Variants in PTK2 observed in about 807,000 individuals in gnomAD.
PTK2 encodes focal adhesion kinase 1.
Under a neutral mutation model 150.1 loss-of-function variants are expected in PTK2, and 45 were observed. The ratio of observed to expected loss-of-function variants is 0.30; its 90% CI spans 0.24 to 0.38. PTK2 has a LOEUF of 0.38. Ranked by LOEUF, PTK2 falls within the 10% of genes least tolerant of loss-of-function variation. The probability of loss-of-function intolerance (pLI) is 1.00; values close to 1 mark genes in which losing one functional copy is unlikely to be tolerated. For missense variants in PTK2, 919 were observed against 1,307.3 expected (o/e 0.70, Z 4.58); for synonymous variants, 432 against 449.2 (o/e 0.96, Z 0.48).
Position 140,937,616 on chromosome 8 carries a change from T to C in PTK2, c.-121-11867A>G, listed in dbSNP as rs148267596. The stretch of plus-strand genomic sequence containing the variant: ...AAAAAAAAACACAAAAAAACAAATC[T>C]GATTTAATCTAACAAAAATTGGAAA... On this transcript the variant is annotated intron_variant, in intron 1 of 31. Coordinates refer to ENST00000522684, the Ensembl canonical transcript of PTK2. Among the ~76,000 whole-genome samples the C allele has an allele frequency of 7.4e-3, 1,120 of 150,998 alleles. 11 individuals are homozygous for C. Among genetic ancestry groups the C allele is most frequent in the African/African-American group, 0.025 (1,034 of 41,290 alleles).
intron 10 of PTK2, among the ~76,000 whole-genome samples, chr8:140,810,709 C>T (rs1025970652): frequency 1.3e-5 from 2 of 152,348 alleles, no homozygotes; most frequent in Middle Eastern, 3.4e-3. Context: ...GCCTGACAGC[C>T]ACCTCAGTCG....
At chr8:140,756,488 A>G (rs988840565) in intron 16 of PTK2, among the ~76,000 whole-genome samples, 2 of 151,686 alleles carry the variant, frequency 1.3e-5, no homozygotes, top group African/African-American at 4.8e-5. Flanking sequence ...ACCTGAAGTC[A>G]GGGGTTCAAG....
intron 1 of PTK2, among the ~76,000 whole-genome samples, chr8:140,970,267 T>C (rs1642039190): frequency 6.6e-6 from 1 of 152,244 alleles, no homozygotes; most frequent in Non-Finnish European, 1.5e-5. Context: ...AAAAAGTGTC[T>C]AGAGCAGCTT....
chr8:140,684,616 C>A (rs578051469), intron 27 of PTK2, among the ~76,000 whole-genome samples: 94 of 152,292 alleles, frequency 6.2e-4, no homozygotes, highest in Non-Finnish European at 1.1e-3. Context: ...TTTACAACAG[C>A]CACACACACA....
At chr8:140,792,587 T>G (rs950698571) in intron 13 of PTK2, among the ~76,000 whole-genome samples, 2 of 152,230 alleles carry the variant, frequency 1.3e-5, no homozygotes, top group Admixed American at 6.5e-5. Context: ...GTAGCCCAGA[T>G]AGCTAAACAC....
At chr8:140,745,578 T>A (rs2100058243) in intron 18 of PTK2, among the ~76,000 whole-genome samples, 2 of 152,328 alleles carry the variant, frequency 1.3e-5, no homozygotes, top group South Asian at 4.1e-4. Flanking sequence ...GCCCAGTGTT[T>A]GATTCAGCAG....
At chr8:140,995,894 C>T (rs980314091) in intron 1 of PTK2, among the ~76,000 whole-genome samples, 1 of 152,108 alleles carries the variant, frequency 6.6e-6, no homozygotes, top group South Asian at 2.1e-4. Flanking sequence ...ATTAAAAGTG[C>T]TACTTCAGTG....
intron 2 of PTK2, among the ~76,000 whole-genome samples, chr8:140,908,352 T>C (rs1221420265): frequency 6.6e-6 from 1 of 152,164 alleles, no homozygotes; most frequent in Non-Finnish European, 1.5e-5. Context: ...CTCCACAGCA[T>C]AAAAGTACAA....
At chr8:140,691,344 T>C (rs1048365467) in intron 26 of PTK2, among the ~76,000 whole-genome samples, 3 of 152,232 alleles carry the variant, frequency 2.0e-5, no homozygotes, top group Admixed American at 2.0e-4. Context: ...GTTTCCAAAC[T>C]GCTCAAGGCT....
chr8:140,916,798 A>G lies in PTK2; in HGVS notation c.-33+8863T>C, dbSNP rs529924124. Among the ~76,000 whole-genome samples the G allele has an allele frequency of 3.9e-5, 6 of 152,342 alleles. No homozygotes were observed. In the East Asian group the frequency reaches 9.6e-4, roughly 24 times the overall value. On this transcript the variant is annotated intron_variant, in intron 2 of 31. Coordinates refer to ENST00000522684, the Ensembl canonical transcript of PTK2. ...TATTGATTAAGAATACAGGCACTGC[A>G]GTTAGATTCCCACTGTTCAGAATCT...
chr8:140,990,808 T>G (rs2100195446), intron 1 of PTK2, among the ~76,000 whole-genome samples: 1 of 152,202 alleles, frequency 6.6e-6, no homozygotes. Flanking sequence ...TCTAATTGCC[T>G]CCCTTCAGAT....
At chr8:140,702,640 G>C (rs2100031344) in exon 25 of PTK2, 3 of 1,613,962 alleles carry the variant, frequency 1.9e-6, no homozygotes, top group African/African-American at 1.3e-5. Context: ...GTCCAAAAGA[G>C]ATGCCTGACC....
At position 140,857,333 on chromosome 8, in the gene PTK2, C is replaced by G. The variant is rs73373565; in HGVS notation, c.450+6979G>C. 2.1e-3 allele frequency among the ~76,000 whole-genome samples: 317 copies of G among 152,320 alleles called. 3 individuals are homozygous for G. Among genetic ancestry groups the G allele is most frequent in the African/African-American group, 7.3e-3 (303 of 41,568 alleles). On this transcript the variant is annotated intron_variant, in intron 5 of 31. Transcript: ENST00000522684. ...CATCTCAAGCCATCCCTTACTGTCT[C>G]ATCTCTCACCCTGCCCTCCAGTCAC...
At position 140,693,564 on chromosome 8, in the gene PTK2, TAAAAAAAAAAAAAAAAAAAA is replaced by T. The variant is rs377205785; in HGVS notation, c.2500-6890_2500-6871del. 4.2e-3 allele frequency among the ~76,000 whole-genome samples: 306 copies of T among 72,458 alleles called. 4 individuals carry two copies. The highest frequency in any genetic ancestry group is 0.015 in the East Asian group (32 of 2,164). 47.5% of individuals were successfully genotyped at this position (72,458 alleles called of 152,430 possible). ...CCACAGAGTGAGACTTTGTCTCAATTAAAAAAAAAAAAAAAAAAAAAAAAAAAAAAAAAAAAAAGGAGCAC... is the reference window on the plus strand; with the variant it reads ...CCACAGAGTGAGACTTTGTCTCAATTAAAAAAAAAAAAAAAAAAGGAGCAC... On this transcript the variant is annotated intron_variant, in intron 26 of 31. Coordinates refer to ENST00000522684, the Ensembl canonical transcript of PTK2.
chr8:140,796,122 T>C (rs1043001793), intron 12 of PTK2, among the ~76,000 whole-genome samples: 1 of 152,220 alleles, frequency 6.6e-6, no homozygotes, highest in East Asian at 1.9e-4. Context: ...CTCGGGAGAC[T>C]GTCCGACCAC....
At chr8:140,679,037 T>C (rs11988584) in intron 27 of PTK2, among the ~76,000 whole-genome samples, 40,181 of 95,334 alleles carry the variant, frequency 0.42, 9,220 homozygotes, top group Non-Finnish European at 0.51. Context: ...TTTTTTTTTT[T>C]TTTTTGAGAC....
chr8:140,666,172 T>C (rs1385501425), intron 30 of PTK2, among the ~76,000 whole-genome samples: 2 of 152,150 alleles, frequency 1.3e-5, no homozygotes, highest in South Asian at 2.1e-4. Flanking sequence ...ACCCCGTCTC[T>C]ACTAAAAATA....
At chr8:140,720,521 C>T (rs2100042295) in intron 22 of PTK2, among the ~76,000 whole-genome samples, 1 of 152,110 alleles carries the variant, frequency 6.6e-6, no homozygotes, top group African/African-American at 2.4e-5. Flanking sequence ...GTTAGATGAC[C>T]ATGGACAACT....
intron 2 of PTK2, among the ~76,000 whole-genome samples, chr8:140,910,297 A>G (rs1198249015): frequency 6.6e-6 from 1 of 152,164 alleles, no homozygotes; most frequent in Non-Finnish European, 1.5e-5. Context: ...CTCCCTGGTT[A>G]ACAAGGTTCT....
Sources: gnomAD v4.1 joint callset for allele counts (sites outside exome capture counted in the v4.1 genomes callset) on GRCh38, gnomAD v4.1.1 for gene constraint, MANE v1.5 for transcripts, NCBI Gene and HGNC (gene_info 2026-07-23, HGNC 2026-07-21) for gene names.